Variants in NT5DC2 observed in about 807,000 individuals in gnomAD.
The protein encoded by NT5DC2 is 5'-nucleotidase domain containing 2, also known as 5'-nucleotidase domain-containing protein 2.
A neutral mutation model predicts 70.0 loss-of-function variants in NT5DC2; 41 were observed. The observed-to-expected ratio is 0.59, with a 90% CI of 0.46 to 0.76. NT5DC2 has a LOEUF of 0.76. Among genes scored for constraint, NT5DC2 ranks in the 30% least tolerant of loss-of-function variants. NT5DC2 has a pLI of 0.00. For synonymous variants in NT5DC2, 299 were observed against 310.4 expected (o/e 0.96, Z 0.39); for missense variants, 705 against 783.2 (o/e 0.90, Z 1.19).
intron 9 of NT5DC2, 33 bp from the exon 10 acceptor site, chr3:52,527,408 C>T: frequency 6.2e-7 from 1 of 1,610,362 alleles, no homozygotes. Context: ...GACTTCCAGT[C>T]TGTGGCTGGG....
At chr3:52,527,424 G>A in intron 9 of NT5DC2, 49 bp from the exon 10 acceptor site, 1 of 1,595,190 alleles carries the variant, frequency 6.3e-7, no homozygotes, top group Non-Finnish European at 8.6e-7. Context: ...CTGGGCCACG[G>A]GCCGGGCAAC....
chr3:52,525,085 C>A lies in NT5DC2; in HGVS notation c.1225G>T (p.Gly409Cys), dbSNP rs747318346. ...GGGATGATGGCGCCTGTGCGCCAGC[C>A]GTGCCGCAGCATGAGATCCTGGTGG... Reference protein sequence around the residue: ...SDLADLMLRHGWRTGAIIPEL... With the variant: ...SDLADLMLRHCWRTGAIIPEL... Residue 409 changes from glycine to cysteine, a missense_variant, in exon 12 of 14, where the codon GGC (glycine) becomes TGC (cysteine). Transcript: ENST00000422318. 30 of 1,581,232 alleles carry A rather than the reference C, an allele frequency of 1.9e-5. No individual in the cohort carries two copies. The Admixed American group carries it at 3.8e-4, about 20-fold the overall frequency.
Position 52,524,499 on chromosome 3 carries a change from A to AG in NT5DC2, c.1644dup (p.Phe549LeufsTer4), listed in dbSNP as rs1191434676. On this transcript the variant is annotated frameshift_variant, in exon 14 of 14. Coordinates refer to ENST00000422318, the MANE Select transcript of NT5DC2 (RefSeq NM_001134231.2). LOFTEE classifies it high-confidence loss of function. ...CGGATGTGGGCCATGTCACCAAGGA[A>AG]GGGGGTCTTCATGCAGCCGGTGCAG... 2 of 1,612,894 alleles carry AG rather than the reference A, an allele frequency of 1.2e-6. No individual in the cohort carries two copies. The highest frequency in any genetic ancestry group is 8.5e-7 in the Non-Finnish European group (1 of 1,180,004).
chr3:52,525,289 G>A lies in NT5DC2; in HGVS notation c.1126C>T (p.Leu376=). Residue 376 remains leucine (L), a synonymous_variant, in exon 11 of 14, where the codon CTG becomes TTG. Transcript: ENST00000422318. ...EKGKIYRQGN[L]FDFLRLTEWR... ...TCCGTCAAGCGTAAGAAGTCAAACA[G>A]GTTTCCCTAGGGAGAGGAGGGGAAT... 6.2e-7 allele frequency: 1 copy of A among 1,612,414 alleles called. No homozygotes were observed. The highest frequency in any genetic ancestry group is 1.1e-5 in the South Asian group (1 of 90,882).
chr3:52,528,717 G>T, intron 3 of NT5DC2, 25 bp from the exon 4 acceptor site: 1 of 1,607,058 alleles, frequency 6.2e-7, no homozygotes, highest in Non-Finnish European at 8.5e-7. Context: ...GAGGCAGGAC[G>T]GATGGTGAGG....
chr3:52,527,392 G>A lies in NT5DC2; in HGVS notation c.1038-17C>T, dbSNP rs756635949. 2.4e-4 allele frequency: 384 copies of A among 1,613,308 alleles called. No homozygotes were observed. In the Middle Eastern group the frequency reaches 6.8e-3, roughly 28 times the overall value. ...CTGAAAGGCCTGGGGTGCAGGTAAA[G>A]GGCATGACTTCCAGTCTGTGGCTGG... On this transcript the variant is annotated splice_polypyrimidine_tract_variant and intron_variant, in intron 9 of 13. Transcript: ENST00000422318.
chr3:52,524,546 G>A lies in NT5DC2; in HGVS notation c.1598C>T (p.Ala533Val). The A allele has an allele frequency of 6.2e-7, 1 of 1,613,132 alleles. No homozygotes were observed. The highest frequency in any genetic ancestry group is 8.5e-7 in the Non-Finnish European group (1 of 1,180,036). Residue 533 changes from alanine to valine, a missense_variant, in exon 14 of 14, where the codon GCA (alanine) becomes GTA (valine). Physicochemically the swap from Ala to Val is moderately conservative, Grantham distance 64. Transcript: ENST00000422318. ...GCAGAGCTGGTCCATCCAGAGGGGTGCCTCGTGCTGCAGCGGCGTACGGCG... is the reference window on the plus strand; with the variant it reads ...GCAGAGCTGGTCCATCCAGAGGGGTACCTCGTGCTGCAGCGGCGTACGGCG... ...YPRRTPLQHE[A>V]PLWMDQLCTG...
At chr3:52,525,503 C>T (rs1370700408) in intron 10 of NT5DC2, 5 of 588,132 alleles carry the variant, frequency 8.5e-6, no homozygotes, top group Non-Finnish European at 1.5e-5. Context: ...AGGTGCCCTA[C>T]AGGCCTGGCA....
upstream of NT5DC2, chr3:52,533,920 C>T (rs2079396406): frequency 6.2e-6 from 5 of 808,530 alleles, no homozygotes; most frequent in Non-Finnish European, 4.5e-6. Flanking sequence ...GGGCGGGAGG[C>T]CCCGGACCCG....
chr3:52,525,743 C>T (rs1391211857), intron 10 of NT5DC2: 2 of 174,496 alleles, frequency 1.1e-5, no homozygotes, highest in African/African-American at 4.8e-5. Context: ...GCCAGGCCCA[C>T]ATGTAACTGG....
chr3:52,534,327 C>T (rs1575394409), upstream of NT5DC2: 4 of 782,216 alleles, frequency 5.1e-6, no homozygotes, highest in Middle Eastern at 3.6e-4. Context: ...GCCCACTGAC[C>T]AGAGCCCGGG....
At chr3:52,526,058 T>TGACTGACA (rs71084186) in intron 10 of NT5DC2, 4 of 52,670 alleles carry the variant, frequency 7.6e-5, no homozygotes, top group African/African-American at 2.1e-4. Flanking sequence ...TCCTAGTGAC[T>TGACTGACA]GACAGGCAGG....
intron 1 of NT5DC2, among the ~76,000 whole-genome samples, chr3:52,530,981 C>T (rs1005017680): frequency 6.6e-6 from 1 of 152,236 alleles, no homozygotes; most frequent in Non-Finnish European, 1.5e-5. Context: ...ATCCCTGTCT[C>T]AGCCACAACC....
chr3:52,532,040 G>T, intron 1 of NT5DC2: 1 of 265,576 alleles, frequency 3.8e-6, no homozygotes, highest in Non-Finnish European at 5.8e-6. Flanking sequence ...TCACCACACT[G>T]AGGCCAGGTG....
rs1472165911 is a variant in NT5DC2, at chr3:52,528,229, C to T, written c.725G>A (p.Gly242Asp). Residue 242 changes from glycine to aspartate, a missense_variant, in exon 6 of 14, where the codon GGC becomes GAC. Physicochemically the swap from Gly to Asp is moderately conservative, Grantham distance 94. Coordinates refer to ENST00000422318, the MANE Select transcript of NT5DC2 (RefSeq NM_001134231.2). ...LLSCVVDYFL[G>D]HSLEFDQAHL... Reference sequence around the variant, plus strand: ...TGCTTGGTCAAACTCCAGGCTGTGGCCCAGAAAGTAGTCCACCACACAGGA... The same window carrying T: ...TGCTTGGTCAAACTCCAGGCTGTGGTCCAGAAAGTAGTCCACCACACAGGA... 2.5e-6 allele frequency: 4 copies of T among 1,613,254 alleles called. No individual in the cohort carries two copies. Among genetic ancestry groups the T allele is most frequent in the Non-Finnish European group, 3.4e-6 (4 of 1,180,038 alleles).
chr3:52,530,434 G>A (rs938480151), intron 1 of NT5DC2, among the ~76,000 whole-genome samples: 22 of 152,138 alleles, frequency 1.4e-4, no homozygotes, highest in Non-Finnish European at 1.2e-4. Context: ...AAGGAGATGT[G>A]CTAGGAAGGC....
chr3:52,526,143 T>C (rs1388193155), intron 10 of NT5DC2: 2 of 152,264 alleles, frequency 1.3e-5, no homozygotes, highest in African/African-American at 4.8e-5. Flanking sequence ...GGGAAGAAAG[T>C]CATGTGTTTC....
rs546074297 is a variant in NT5DC2 at position 52,525,619 on chromosome 3, C to G, written c.1120-324G>C. On this transcript the variant is annotated intron_variant, in intron 10 of 13. Coordinates refer to ENST00000422318, the MANE Select transcript of NT5DC2 (RefSeq NM_001134231.2). ...AGAAACTGCAGGGAAGGCTCTGCAGCCCTGAAGTCCTTGCTGGCCTCCCCT... is the reference window on the plus strand; with the variant it reads ...AGAAACTGCAGGGAAGGCTCTGCAGGCCTGAAGTCCTTGCTGGCCTCCCCT... 278 of 308,710 alleles carry G rather than the reference C, an allele frequency of 9.0e-4. 2 individuals carry two copies. Among genetic ancestry groups the G allele is most frequent in the Non-Finnish European group, 1.5e-3 (237 of 162,488 alleles). The allele number at this position is 308,710 out of a possible 1,614,324, so 19.1% of individuals were successfully genotyped here.
In NT5DC2 at chr3:52,524,465, T is replaced by A. The variant is rs780803229; in HGVS notation, c.*5A>T. The A allele has an allele frequency of 4.3e-6, 7 of 1,612,564 alleles. No homozygotes were observed. In the East Asian group the frequency reaches 1.6e-4, roughly 36 times the overall value. The stretch of plus-strand genomic sequence containing the variant: ...GAGGGCCTGTCCCAGACAATAAAGG[T>A]GCCCTCAGCGGATGTGGGCCATGTC... On this transcript the variant is annotated 3_prime_UTR_variant, in exon 14 of 14. Transcript: ENST00000422318.
Sources: gnomAD v4.1 joint callset for allele counts (sites outside exome capture counted in the v4.1 genomes callset) on GRCh38, gnomAD v4.1.1 for gene constraint, MANE v1.5 for transcripts, NCBI Gene and HGNC (gene_info 2026-07-23, HGNC 2026-07-21) for gene names.